MYO3B: variants seen among roughly 807,000 people sequenced by gnomAD.
MYO3B encodes the protein myosin IIIB.
Under a neutral mutation model 174.6 loss-of-function variants are expected in MYO3B, and 156 were observed. The observed-to-expected ratio is 0.89, with a 90% CI of 0.78 to 1.02. The LOEUF (loss-of-function observed/expected upper bound fraction) is 1.02. MYO3B is among the 50% of genes least tolerant of loss of function. MYO3B has a pLI of 0.00. For missense variants in MYO3B, 1,632 were observed against 1,639.4 expected (o/e 1.00, Z 0.08); for synonymous variants, 563 against 569.1 (o/e 0.99, Z 0.15).
chr2:170,369,337 C>G lies in MYO3B; in HGVS notation c.931C>G (p.Leu311Val). The change falls in exon 9 of 35, where the codon CTC (leucine) becomes GTC (valine). Residue 311 changes from leucine to valine, a missense_variant. Physicochemically the swap from Leu to Val is conservative, Grantham distance 32. Transcript: ENST00000408978. ...TCTGCAAAAACAGCTGGCCAAGGTT[C>G]TCCAAGACCAGAAGCATCAAAATCC... ...LFLQKQLAKV[L>V]QDQKHQNPVA... The G allele has an allele frequency of 6.2e-7, 1 of 1,613,568 alleles. No individual in the cohort carries two copies. The highest frequency in any genetic ancestry group is 8.5e-7 in the Non-Finnish European group (1 of 1,179,608).
chr2:170,364,061 A>AG (rs1298483061), intron 8 of MYO3B, among the ~76,000 whole-genome samples: 2 of 152,208 alleles, frequency 1.3e-5, no homozygotes, highest in Non-Finnish European at 2.9e-5. Context: ...TGTCTTTTGC[A>AG]GAAACAATAG....
intron 32 of MYO3B, among the ~76,000 whole-genome samples, chr2:170,618,818 A>C (rs1231485266): frequency 6.6e-6 from 1 of 151,484 alleles, no homozygotes; most frequent in Non-Finnish European, 1.5e-5. Context: ...TGTATGTAGA[A>C]GTACAGTACA....
At chr2:170,528,319 C>T (rs1265627580) in intron 30 of MYO3B, among the ~76,000 whole-genome samples, 2 of 152,232 alleles carry the variant, frequency 1.3e-5, no homozygotes, top group African/African-American at 4.8e-5. Context: ...ATGTGGTGGA[C>T]TTCAGCAGAT....
rs866352729 is a variant in MYO3B, at chr2:170,402,941, C to T, written c.2223C>T (p.Ile741=). The T allele has an allele frequency of 4.3e-6, 7 of 1,610,588 alleles. No individual in the cohort carries two copies. The highest frequency in any genetic ancestry group is 1.3e-5 in the African/African-American group (1 of 75,040). The change falls in exon 19 of 35, where the codon ATC becomes ATT. Residue 741 remains isoleucine, a synonymous_variant. Coordinates refer to ENST00000408978, the MANE Select transcript of MYO3B (RefSeq NM_138995.5). ...CATTTGAGCAGCTCTGCATAAACAT[C>T]GCCAATGAGCAAATCCAGTACTATT... ...RNSFEQLCIN[I]ANEQIQYYFN...
rs115424633 is a variant in MYO3B at position 170,525,173 on chromosome 2, G to A, written c.3575+5633G>A. ...AGAAAGCCTAAAGCCTCATGGGAAA[G>A]GTGCTCCCATCTGTGCATGATGGGA... is the stretch of plus-strand genomic sequence containing the variant. On this transcript the variant is annotated intron_variant, in intron 30 of 34. Coordinates refer to ENST00000408978, the MANE Select transcript of MYO3B (RefSeq NM_138995.5). Among the ~76,000 whole-genome samples, 915 of 152,326 alleles carry A rather than the reference G, an allele frequency of 6.0e-3. 2 individuals carry two copies. The highest frequency in any genetic ancestry group is 0.01 in the Non-Finnish European group (695 of 68,022).
At chr2:170,213,313 G>T (rs181409238) in intron 3 of MYO3B, among the ~76,000 whole-genome samples, 1 of 152,238 alleles carries the variant, frequency 6.6e-6, no homozygotes, top group African/African-American at 2.4e-5. Context: ...CCTTTTAAGG[G>T]CTCACAACTC....
intron 7 of MYO3B, among the ~76,000 whole-genome samples, chr2:170,248,460 A>G (rs1237164167): frequency 6.6e-6 from 1 of 152,230 alleles, no homozygotes; most frequent in Non-Finnish European, 1.5e-5. Context: ...ATAAAACAGC[A>G]CAGATTTATT....
intron 32 of MYO3B, among the ~76,000 whole-genome samples, chr2:170,581,975 A>C: frequency 6.6e-6 from 1 of 152,224 alleles, no homozygotes; most frequent in East Asian, 1.9e-4. Flanking sequence ...GTTGAGGATC[A>C]CCTTAATGTA....
At chr2:170,389,411 C>G (rs911594996) in intron 14 of MYO3B, among the ~76,000 whole-genome samples, 2 of 152,170 alleles carry the variant, frequency 1.3e-5, no homozygotes, top group African/African-American at 4.8e-5. Context: ...GTGAGCACAG[C>G]CCCACCGCTG....
chr2:170,567,426 G>A (rs991778229), intron 32 of MYO3B, among the ~76,000 whole-genome samples: 6 of 152,086 alleles, frequency 3.9e-5, no homozygotes, highest in African/African-American at 9.7e-5. Context: ...CCAAAGCAAA[G>A]GACTAATAGA....
intron 7 of MYO3B, among the ~76,000 whole-genome samples, chr2:170,316,830 G>A (rs2105483167): frequency 6.6e-6 from 1 of 152,290 alleles, no homozygotes; most frequent in African/African-American, 2.4e-5. Flanking sequence ...CTGTGAGCAT[G>A]CCATCTGTTT....
chr2:170,211,629 A>C (rs2092771547), intron 3 of MYO3B, among the ~76,000 whole-genome samples: 2 of 152,218 alleles, frequency 1.3e-5, no homozygotes, highest in African/African-American at 4.8e-5. Context: ...GGGGAAGAGA[A>C]TCAGCAAATG....
At chr2:170,476,080 C>G (rs892604826) in intron 25 of MYO3B, among the ~76,000 whole-genome samples, 1 of 151,034 alleles carries the variant, frequency 6.6e-6, no homozygotes, top group African/African-American at 2.4e-5. Context: ...CTGTCCCCCC[C>G]CACAGGACAT....
chr2:170,513,325 C>T (rs926492388), intron 28 of MYO3B, among the ~76,000 whole-genome samples: 2 of 152,200 alleles, frequency 1.3e-5, no homozygotes, highest in Non-Finnish European at 1.5e-5. Flanking sequence ...TTGGTTTCTA[C>T]TGGAGGTTCT....
chr2:170,555,128 G>A (rs1691195903), intron 32 of MYO3B, among the ~76,000 whole-genome samples: 1 of 152,142 alleles, frequency 6.6e-6, no homozygotes, highest in East Asian at 1.9e-4. Context: ...ACTTATTTGA[G>A]TAATTTTTGG....
At chr2:170,472,246 G>T (rs988296606) in intron 25 of MYO3B, among the ~76,000 whole-genome samples, 1 of 152,154 alleles carries the variant, frequency 6.6e-6, no homozygotes, top group Non-Finnish European at 1.5e-5. Flanking sequence ...CCCCCATGGG[G>T]TGAGCTGCAG....
At chr2:170,403,659 C>G (rs1335699021) in intron 19 of MYO3B, among the ~76,000 whole-genome samples, 2 of 152,304 alleles carry the variant, frequency 1.3e-5, no homozygotes, top group Non-Finnish European at 2.9e-5. Flanking sequence ...CTCTTCGATG[C>G]AGGGATAATT....
intron 7 of MYO3B, among the ~76,000 whole-genome samples, chr2:170,283,276 CT>C (rs1423227725): frequency 1.3e-5 from 2 of 152,182 alleles, no homozygotes; most frequent in Non-Finnish European, 2.9e-5. Context: ...AGAATGTGGA[CT>C]GCTGGAGATC....
At chr2:170,185,954 T>C (rs908480501) in intron 1 of MYO3B, among the ~76,000 whole-genome samples, 4 of 152,214 alleles carry the variant, frequency 2.6e-5, no homozygotes, top group African/African-American at 9.6e-5. Context: ...TATTGGAATA[T>C]AGAAATGCTA....
Sources: gnomAD v4.1 joint callset for allele counts (sites outside exome capture counted in the v4.1 genomes callset) on GRCh38, gnomAD v4.1.1 for gene constraint, MANE v1.5 for transcripts, NCBI Gene and HGNC (gene_info 2026-07-23, HGNC 2026-07-21) for gene names.